CADPS: variants seen among roughly 807,000 people sequenced by gnomAD.
The protein encoded by CADPS is calcium-dependent secretion activator 1.
CADPS carries 57 observed loss-of-function variants against 167.3 expected under a neutral mutation model. That is an observed-to-expected ratio of 0.34 (90% CI 0.28 to 0.42). CADPS has a LOEUF of 0.42. Ranked by LOEUF, CADPS falls within the 20% of genes least tolerant of loss-of-function variation. The pLI is 1.00. For synonymous variants in CADPS, 676 were observed against 635.3 expected, an observed-to-expected ratio of 1.06 and a Z score of -0.96; for missense variants, 1,414 against 1,738.1, an observed-to-expected ratio of 0.81 and a Z score of 3.32.
chr3:62,591,408 A>G (rs1419608716), intron 7 of CADPS, among the ~76,000 whole-genome samples: 1 of 152,236 alleles, frequency 6.6e-6, no homozygotes, highest in Non-Finnish European at 1.5e-5. Flanking sequence ...GCATTTATGC[A>G]GAGAATGCAT....
intron 1 of CADPS, among the ~76,000 whole-genome samples, chr3:62,785,777 G>C (rs751163794): frequency 1.5e-4 from 23 of 152,052 alleles, no homozygotes; most frequent in Non-Finnish European, 2.6e-4. Flanking sequence ...TTGATATATG[G>C]ATCTTTATCA....
intron 18 of CADPS, among the ~76,000 whole-genome samples, chr3:62,496,716 C>A (rs751087816): frequency 6.6e-6 from 1 of 152,122 alleles, no homozygotes; most frequent in African/African-American, 2.4e-5. Context: ...GGATTCAAAG[C>A]CAAACTTCTC....
In CADPS at chr3:62,874,952, C is replaced by T; in HGVS notation, c.78G>A (p.Ser26=). The T allele has an allele frequency of 7.6e-6, 12 of 1,570,062 alleles. No individual in the cohort carries two copies. The highest frequency in any genetic ancestry group is 3.5e-5 in the Admixed American group (2 of 56,542). Residue 26 remains serine (S), a synonymous_variant, in exon 1 of 30, where the codon TCG becomes TCA. Transcript: ENST00000383710. This position sits in a 1 kb window ranked among gnomAD's most constrained non-coding sequence, Gnocchi z 7.1. Reference sequence around the variant, plus strand: ...GAGACAGGCGCGCGCCGGACGGGGCCGAGCCGAGCACCTCCTTGCCGCTCT... The same window carrying T: ...GAGACAGGCGCGCGCCGGACGGGGCTGAGCCGAGCACCTCCTTGCCGCTCT... ...EEESGKEVLG[S]APSGARLSPS... is the part of the protein sequence containing the mutation.
At chr3:62,535,295 C>T (rs1216509490) in intron 12 of CADPS, among the ~76,000 whole-genome samples, 4 of 148,520 alleles carry the variant, frequency 2.7e-5, no homozygotes, top group Non-Finnish European at 5.9e-5. Flanking sequence ...AGTTCAGATC[C>T]TTTTGATGAA....
chr3:62,536,455 T>C lies in CADPS; in HGVS notation c.2093A>G (p.Tyr698Cys). The C allele has an allele frequency of 1.2e-6, 2 of 1,613,126 alleles. No individual in the cohort carries two copies. The highest frequency in any genetic ancestry group is 1.1e-5 in the South Asian group (1 of 91,010). Residue 698 changes from tyrosine (Y) to cysteine (C), a missense_variant, in exon 12 of 30, where the codon TAT (tyrosine) becomes TGT (cysteine). Transcript: ENST00000383710. ...AAAGAATATACTTGCCAGGCAAGAA[T>C]AGGAATCATTAAGTCTGTGATCCAA... ...LTLDHRLNDS[Y>C]SCLGWFSPGQ...
At chr3:62,627,589 A>G (rs2064340697) in intron 6 of CADPS, among the ~76,000 whole-genome samples, 1 of 152,104 alleles carries the variant, frequency 6.6e-6, no homozygotes, top group African/African-American at 2.4e-5. Flanking sequence ...GAGAATCTTT[A>G]AAACAGACCA....
chr3:62,705,134 G>T (rs1372327661), intron 3 of CADPS, among the ~76,000 whole-genome samples: 2 of 152,120 alleles, frequency 1.3e-5, no homozygotes, highest in Admixed American at 1.3e-4. Flanking sequence ...GGTTTCATTT[G>T]CTGTGCCCTC....
chr3:62,479,248 G>T (rs1308794190), intron 22 of CADPS, among the ~76,000 whole-genome samples: 1 of 152,128 alleles, frequency 6.6e-6, no homozygotes, highest in Non-Finnish European at 1.5e-5. Context: ...TTTACCTGGG[G>T]CATCTACAAA....
chr3:62,541,828 A>G (rs969618465), intron 11 of CADPS, among the ~76,000 whole-genome samples: 18 of 152,008 alleles, frequency 1.2e-4, no homozygotes, highest in African/African-American at 3.9e-4. Context: ...ACCATATACT[A>G]TTTTTCATGA....
chr3:62,704,611 G>C (rs1229264121), intron 3 of CADPS, among the ~76,000 whole-genome samples: 3 of 152,068 alleles, frequency 2.0e-5, no homozygotes, highest in Non-Finnish European at 2.9e-5. Flanking sequence ...TCATGATGAT[G>C]GATTTGCTAC....
chr3:62,651,253 C>T (rs909323257), intron 4 of CADPS, among the ~76,000 whole-genome samples, 173 bp from the exon 5 acceptor site: 1 of 152,170 alleles, frequency 6.6e-6, no homozygotes, highest in African/African-American at 2.4e-5. Context: ...AGACAGCTGC[C>T]TGCCTGCTAG....
intron 3 of CADPS, among the ~76,000 whole-genome samples, chr3:62,700,490 TG>T (rs1280733806): frequency 1.3e-5 from 2 of 152,228 alleles, no homozygotes; most frequent in Admixed American, 6.5e-5. Flanking sequence ...ATTATTACAA[TG>T]GTCTTAACAA....
At chr3:62,778,694 C>A (rs1336228156) in intron 1 of CADPS, among the ~76,000 whole-genome samples, 1 of 152,158 alleles carries the variant, frequency 6.6e-6, no homozygotes, top group Non-Finnish European at 1.5e-5. Flanking sequence ...GGAATAGAAA[C>A]CCAGGTATGT....
intron 1 of CADPS, among the ~76,000 whole-genome samples, chr3:62,844,636 C>T (rs1224327822): frequency 6.6e-6 from 1 of 152,148 alleles, no homozygotes; most frequent in African/African-American, 2.4e-5. Flanking sequence ...CTATAGTTAT[C>T]ATGACCTGTG....
intron 3 of CADPS, among the ~76,000 whole-genome samples, chr3:62,692,479 T>C (rs538147244): frequency 8.5e-5 from 13 of 152,186 alleles, no homozygotes; most frequent in East Asian, 5.8e-4. Context: ...TTGAAGACAT[T>C]TGGCTTAGGA....
At chr3:62,676,546 G>C (rs935570551) in intron 3 of CADPS, among the ~76,000 whole-genome samples, 2 of 152,060 alleles carry the variant, frequency 1.3e-5, no homozygotes, top group African/African-American at 4.8e-5. Context: ...TACAGGGTTT[G>C]GGGAAAATCA....
Position 62,430,442 on chromosome 3 carries a change from AT to A in CADPS, c.3777+7661del, listed in dbSNP as rs2149592652. Among the ~76,000 whole-genome samples, 2 of 152,266 alleles carry A rather than the reference AT, an allele frequency of 1.3e-5. 1 individual carries two copies. The highest frequency in any genetic ancestry group is 4.1e-4 in the South Asian group (2 of 4,824). On this transcript the variant is annotated intron_variant, in intron 28 of 29. Coordinates refer to ENST00000383710, the MANE Select transcript of CADPS (RefSeq NM_003716.4). ...GAATTATCAAAACTGTTAAAAGCAG[AT>A]TTGGATGGTGGGAGTTAGAGAAAGC...
At chr3:62,800,867 A>C (rs2093720131) in intron 1 of CADPS, among the ~76,000 whole-genome samples, 1 of 152,222 alleles carries the variant, frequency 6.6e-6, no homozygotes, top group Non-Finnish European at 1.5e-5. Flanking sequence ...CTTAGTAATA[A>C]AACAATTTTA....
In CADPS at chr3:62,645,788, T is replaced by C. The variant is rs1192606141; in HGVS notation, c.1259A>G (p.Tyr420Cys). ...TCCTCCTTCCACCTCCATTGTGCAA[T>C]ATACGATGCGATTTGGAGCCAAAGA... is the stretch of plus-strand genomic sequence containing the variant. ...LKSLAPNRIV[Y>C]CTMEVEGGEK... Residue 420 changes from tyrosine (Y) to cysteine (C), a missense_variant, in exon 6 of 30, where the codon TAT becomes TGT. Physicochemically the swap from Tyr to Cys is radical, Grantham distance 194. Around this residue, in one of 6 missense-constraint regions of CADPS, gnomAD observed 157 missense variants for 229.4 expected, o/e 0.68. Transcript: ENST00000383710. 2 of 1,614,104 alleles carry C rather than the reference T, an allele frequency of 1.2e-6. No homozygotes were observed. The highest frequency in any genetic ancestry group is 1.1e-5 in the South Asian group (1 of 91,068).
Sources: allele counts gnomAD v4.1 joint callset (sites outside exome capture counted in the v4.1 genomes callset), GRCh38; gene constraint gnomAD v4.1.1; regional missense constraint gnomAD v4.1.1; non-coding constraint Gnocchi (gnomAD v3.1); transcripts MANE v1.5; gene names NCBI Gene and HGNC (gene_info 2026-07-23, HGNC 2026-07-21).